The following FGF12 variants were observed in gnomAD, a reference collection of about 807,000 sequenced individuals.
FGF12 encodes fibroblast growth factor 12.
FGF12 carries 14 observed loss-of-function variants against 23.6 expected under a neutral mutation model. The observed-to-expected ratio is 0.59, with a 90% CI of 0.39 to 0.93. The LOEUF (loss-of-function observed/expected upper bound fraction) is 0.93, where lower values mean the gene tolerates loss of function less well. Among genes scored for constraint, FGF12 ranks in the 40% least tolerant of loss-of-function variants. The pLI, the probability that FGF12 is intolerant of heterozygous loss-of-function variation, is 0.00. For missense variants in FGF12, 175 were observed against 217.8 expected (o/e 0.80, Z 1.24); for synonymous variants, 62 against 77.3 (o/e 0.80, Z 1.04).
At chr3:192,265,219 A>C (rs1396786093) in intron 4 of FGF12, 1 of 152,128 alleles carries the variant, frequency 6.6e-6, no homozygotes, top group Admixed American at 6.6e-5. Flanking sequence ...CTTATCTCAG[A>C]TGATTTTTTT....
intron 2 of FGF12, among the ~76,000 whole-genome samples, chr3:192,416,417 G>A (rs766283603): frequency 1.3e-5 from 2 of 152,092 alleles, no homozygotes; most frequent in Non-Finnish European, 2.9e-5. Context: ...ATTTGCCTGT[G>A]AAACAACTAC....
intron 2 of FGF12, among the ~76,000 whole-genome samples, chr3:192,633,310 T>G (rs1387235325): frequency 6.6e-6 from 1 of 152,118 alleles, no homozygotes; most frequent in African/African-American, 2.4e-5. Flanking sequence ...CCTCCCAAAG[T>G]GTTGGGATTA....
chr3:192,361,069 A>G (rs899236659), intron 2 of FGF12, among the ~76,000 whole-genome samples: 1 of 148,406 alleles, frequency 6.7e-6, no homozygotes, highest in African/African-American at 2.5e-5. Flanking sequence ...TTCCACGGCC[A>G]TGAGATGTCA....
intron 2 of FGF12, among the ~76,000 whole-genome samples, chr3:192,500,572 C>T (rs1724106109): frequency 1.3e-5 from 2 of 152,228 alleles, no homozygotes; most frequent in Admixed American, 1.3e-4. Flanking sequence ...GCTTCATTTA[C>T]TGCCCAATTG....
At chr3:192,291,001 T>C (rs1470320324) in intron 4 of FGF12, among the ~76,000 whole-genome samples, 1 of 152,156 alleles carries the variant, frequency 6.6e-6, no homozygotes, top group Non-Finnish European at 1.5e-5. Context: ...TGCATATATG[T>C]GTGTGTATTT....
chr3:192,274,275 A>G (rs957786436), intron 4 of FGF12, among the ~76,000 whole-genome samples: 1 of 152,214 alleles, frequency 6.6e-6, no homozygotes, highest in African/African-American at 2.4e-5. Context: ...AAAATAACAT[A>G]TTTAATATGC....
intron 2 of FGF12, among the ~76,000 whole-genome samples, chr3:192,541,515 A>C (rs1183294233): frequency 2.6e-5 from 4 of 151,816 alleles, no homozygotes; most frequent in Admixed American, 6.6e-5. Flanking sequence ...TTTATTTTTG[A>C]TTGGTTCATC....
intron 2 of FGF12, among the ~76,000 whole-genome samples, chr3:192,430,106 A>T (rs1248611896): frequency 6.6e-6 from 1 of 152,144 alleles, no homozygotes; most frequent in Non-Finnish European, 1.5e-5. Flanking sequence ...CACAATAGCT[A>T]AAAAGTGGAA....
chr3:192,511,237 ACACAC>A (rs1724461941), intron 2 of FGF12, among the ~76,000 whole-genome samples: 1 of 152,008 alleles, frequency 6.6e-6, no homozygotes, highest in Non-Finnish European at 1.5e-5. Flanking sequence ...ACACACACAC[ACACAC>A]ACACACACAC....
intron 2 of FGF12, among the ~76,000 whole-genome samples, chr3:192,716,144 T>C (rs142386228): frequency 5.0e-4 from 76 of 152,340 alleles, no homozygotes; most frequent in African/African-American, 1.8e-3. Context: ...TGGGAACTTG[T>C]AGAAAAGTAA....
At chr3:192,522,485 G>A (rs1724846782) in intron 2 of FGF12, among the ~76,000 whole-genome samples, 1 of 152,034 alleles carries the variant, frequency 6.6e-6, no homozygotes, top group Non-Finnish European at 1.5e-5. Flanking sequence ...AAAGGAAATG[G>A]GAACCCTCAT....
At chr3:192,185,125 A>G (rs1716381376) in intron 4 of FGF12, among the ~76,000 whole-genome samples, 1 of 152,182 alleles carries the variant, frequency 6.6e-6, no homozygotes, top group South Asian at 2.1e-4. Context: ...ATTGCCTCTG[A>G]TCCTGTCATC....
chr3:192,589,460 A>G (rs1159313109), intron 2 of FGF12, among the ~76,000 whole-genome samples: 6 of 151,962 alleles, frequency 3.9e-5, no homozygotes, highest in African/African-American at 1.4e-4. Context: ...AAAGACTTGC[A>G]AATCACAATG....
chr3:192,464,278 C>T (rs567591905), intron 2 of FGF12, among the ~76,000 whole-genome samples: 1 of 151,956 alleles, frequency 6.6e-6, no homozygotes, highest in Admixed American at 6.6e-5. Flanking sequence ...GTCTTGTATC[C>T]CTCACCCCCC....
At chr3:192,228,251 T>C (rs1718839397) in intron 4 of FGF12, among the ~76,000 whole-genome samples, 1 of 152,084 alleles carries the variant, frequency 6.6e-6, no homozygotes, top group Non-Finnish European at 1.5e-5. Flanking sequence ...TTGTACTCCA[T>C]ACATATAAAA....
At chr3:192,683,002 A>T (rs1412804463) in intron 2 of FGF12, among the ~76,000 whole-genome samples, 1 of 151,932 alleles carries the variant, frequency 6.6e-6, no homozygotes, top group Non-Finnish European at 1.5e-5. Context: ...AATATTTGAA[A>T]CTCTTAGAAA....
chr3:192,287,914 T>C (rs1345619098), intron 4 of FGF12, among the ~76,000 whole-genome samples: 1 of 152,066 alleles, frequency 6.6e-6, no homozygotes, highest in Non-Finnish European at 1.5e-5. Flanking sequence ...GATACTTCTT[T>C]AACCCAGCCT....
chr3:192,556,086 C>G (rs2654698), intron 2 of FGF12, among the ~76,000 whole-genome samples: 123,610 of 151,962 alleles, frequency 0.81, 50,732 homozygotes, highest in East Asian at 0.95. Context: ...CAAGGGAAGA[C>G]AACAAGAGAA....
chr3:192,241,087 T>C (rs1261585359), intron 4 of FGF12, among the ~76,000 whole-genome samples: 2 of 152,126 alleles, frequency 1.3e-5, no homozygotes, highest in South Asian at 4.1e-4. Context: ...CAAGTACAAA[T>C]ACAAACAAAA....
Sources: gnomAD v4.1 joint callset for allele counts (sites outside exome capture counted in the v4.1 genomes callset) on GRCh38, gnomAD v4.1.1 for gene constraint, MANE v1.5 for transcripts, NCBI Gene and HGNC (gene_info 2026-07-23, HGNC 2026-07-21) for gene names.